The following PPFIBP2 variants were observed in gnomAD, a reference collection of about 807,000 sequenced individuals.
PPFIBP2 encodes the protein liprin-beta-2.
In PPFIBP2, 118 loss-of-function variants were observed where a neutral mutation model predicts 118.3. That is an observed-to-expected ratio of 1.00 (90% CI 0.86 to 1.16). The LOEUF (loss-of-function observed/expected upper bound fraction) is 1.16, where lower values mean the gene tolerates loss of function less well. Among genes scored for constraint, PPFIBP2 ranks in the 50% most tolerant of loss-of-function variants. The pLI is 0.00. For synonymous variants in PPFIBP2, 414 were observed against 397.4 expected (o/e 1.04, Z -0.50); for missense variants, 1,195 against 1,073.1 (o/e 1.11, Z -1.59).
In PPFIBP2 at chr11:7,650,995, C is replaced by A. The variant is rs757538716; in HGVS notation, c.2247+30C>A. ...GTGGCTCTCTGGCCTAGCCCACCTG[C>A]CTTGGTGCAAATGGGATATTCAGAA... On this transcript the variant is annotated intron_variant, in intron 22 of 23. Coordinates refer to ENST00000299492, the MANE Select transcript of PPFIBP2 (RefSeq NM_003621.5). 5 of 1,603,680 alleles carry A rather than the reference C, an allele frequency of 3.1e-6. No individual in the cohort carries two copies. In the African/African-American group the frequency reaches 6.7e-5, roughly 21 times the overall value.
intron 19 of PPFIBP2, 53 bp downstream of exon 19, chr11:7,648,964 GAA>G: frequency 6.6e-7 from 1 of 1,520,506 alleles, no homozygotes; most frequent in Non-Finnish European, 9.1e-7. Flanking sequence ...ACTAAGAGTA[GAA>G]AGAATTTTCC....
chr11:7,617,176 G>T (rs1027749787), intron 6 of PPFIBP2: 18 of 985,110 alleles, frequency 1.8e-5, no homozygotes, highest in Non-Finnish European at 2.2e-5. Flanking sequence ...GACATCCACA[G>T]GCAGATTCAA....
intron 14 of PPFIBP2, 25 bp from the exon 15 acceptor site, chr11:7,639,707 C>G (rs777236480): frequency 1.3e-5 from 21 of 1,613,556 alleles, no homozygotes; most frequent in Non-Finnish European, 1.7e-5. Flanking sequence ...GTCGGTATCT[C>G]TCTCTTTCTC....
intron 17 of PPFIBP2, among the ~76,000 whole-genome samples, chr11:7,646,473 A>C (rs984513283): frequency 6.6e-6 from 1 of 152,266 alleles, no homozygotes; most frequent in Non-Finnish European, 1.5e-5. Context: ...TAGAAGAAAG[A>C]CTAAATCAAC....
chr11:7,649,717 T>A, intron 21 of PPFIBP2, 63 bp downstream of exon 21: 1 of 1,594,184 alleles, frequency 6.3e-7, no homozygotes. Flanking sequence ...ACATCGAGCA[T>A]GAGCAAACAA....
chr11:7,606,730 G>A (rs1281748071), intron 5 of PPFIBP2, among the ~76,000 whole-genome samples: 1 of 151,880 alleles, frequency 6.6e-6, no homozygotes, highest in African/African-American at 2.4e-5. Flanking sequence ...TGGAACCATT[G>A]GTATGACTAA....
chr11:7,587,354 C>T (rs1426852884), intron 3 of PPFIBP2, among the ~76,000 whole-genome samples: 1 of 152,180 alleles, frequency 6.6e-6, no homozygotes, highest in Non-Finnish European at 1.5e-5. Context: ...GCAAATCAAG[C>T]AATAGTGGCA....
At chr11:7,666,812 A>G in the PPFIBP2 span, 5 of 330,516 alleles carry the variant, frequency 1.5e-5, no homozygotes, top group African/African-American at 1.1e-4. Context: ...GCCTCCAACT[A>G]GAAGGACCTT....
intron 3 of PPFIBP2, among the ~76,000 whole-genome samples, chr11:7,575,941 C>T (rs763789591): frequency 1.3e-5 from 2 of 152,144 alleles, no homozygotes; most frequent in Non-Finnish European, 2.9e-5. Context: ...GGGTGTGTCT[C>T]CAGGAATTTA....
rs774386092 is a variant in PPFIBP2, at chr11:7,634,499, C to G, written c.1141C>G (p.Gln381Glu). ...TTTCTTTTGTGTTTTTTTCAGGGCT[C>G]AGAAAAAGCTCTCTTGTAGTCTAGA... ...LPQKSLETRA[Q>E]KKLSCSLEDL... is the part of the protein sequence containing the mutation. The change falls in exon 13 of 24, where the codon CAG becomes GAG. Residue 381 changes from glutamine (Q) to glutamate (E), a missense_variant. Transcript: ENST00000299492. The G allele has an allele frequency of 3.7e-6, 6 of 1,611,666 alleles. No homozygotes were observed. Among genetic ancestry groups the G allele is most frequent in the African/African-American group, 1.3e-5 (1 of 74,942 alleles).
the PPFIBP2 span, among the ~76,000 whole-genome samples, chr11:7,663,688 T>G: frequency 6.6e-6 from 1 of 152,218 alleles, no homozygotes; most frequent in Non-Finnish European, 1.5e-5. Flanking sequence ...AGTTCGAGCT[T>G]CCCGGCTGCT....
chr11:7,642,236 C>T, intron 16 of PPFIBP2, 62 bp from the exon 17 acceptor site: 1 of 1,589,850 alleles, frequency 6.3e-7, no homozygotes. Flanking sequence ...AAAGAGGAAG[C>T]ACAGTGACTG....
chr11:7,662,936 G>A, the PPFIBP2 span, among the ~76,000 whole-genome samples: 4 of 135,320 alleles, frequency 3.0e-5, no homozygotes, highest in Non-Finnish European at 1.7e-5. Context: ...CCAGTTGATC[G>A]CATCGGCTCC....
At chr11:7,623,477 C>T (rs559840809) in intron 7 of PPFIBP2, among the ~76,000 whole-genome samples, 6 of 152,200 alleles carry the variant, frequency 3.9e-5, no homozygotes, top group South Asian at 4.1e-4. Flanking sequence ...AGAGATCGCT[C>T]AAAGGATAAC....
At chr11:7,546,713 G>A (rs987286679) in intron 1 of PPFIBP2, among the ~76,000 whole-genome samples, 6 of 152,212 alleles carry the variant, frequency 3.9e-5, no homozygotes, top group African/African-American at 1.4e-4. Flanking sequence ...TTTGGCCTTT[G>A]CCAACTACAT....
At chr11:7,635,431 G>T (rs778950113) in intron 13 of PPFIBP2, 121 bp from the exon 14 acceptor site, 7 of 900,680 alleles carry the variant, frequency 7.8e-6, no homozygotes, top group Non-Finnish European at 1.3e-5. Context: ...ACATGAAGAT[G>T]TGGAGGGAGG....
chr11:7,562,280 T>C (rs1854385403), intron 2 of PPFIBP2, among the ~76,000 whole-genome samples: 1 of 152,256 alleles, frequency 6.6e-6, no homozygotes, highest in Admixed American at 6.5e-5. Context: ...CTCACTCATA[T>C]GGCCATTGGT....
chr11:7,561,817 G>T (rs1854328240), intron 2 of PPFIBP2, among the ~76,000 whole-genome samples: 1 of 152,190 alleles, frequency 6.6e-6, no homozygotes, highest in South Asian at 2.1e-4. Flanking sequence ...GGTTTAGTTG[G>T]GTGGTTCTGG....
At chr11:7,557,547 A>G (rs371755133) in intron 2 of PPFIBP2, among the ~76,000 whole-genome samples, 109 of 144,982 alleles carry the variant, frequency 7.5e-4, no homozygotes, top group African/African-American at 2.6e-3. Context: ...GCTGGAGTAC[A>G]GTGGCATAAT....
Sources: gnomAD v4.1 joint callset for allele counts (sites outside exome capture counted in the v4.1 genomes callset) on GRCh38, gnomAD v4.1.1 for gene constraint, MANE v1.5 for transcripts, NCBI Gene and HGNC (gene_info 2026-07-23, HGNC 2026-07-21) for gene names.